Variants in NEK11 observed in about 807,000 individuals in gnomAD.
The protein encoded by NEK11 is serine/threonine-protein kinase Nek11.
A neutral mutation model predicts 80.7 loss-of-function variants in NEK11; 72 were observed. That is an observed-to-expected ratio of 0.89 (90% CI 0.74 to 1.08). The LOEUF is 1.08. Among genes scored for constraint, NEK11 ranks in the 50% least tolerant of loss-of-function variants. The probability of loss-of-function intolerance (pLI) is 0.00; values close to 1 mark genes in which losing one functional copy is unlikely to be tolerated. For synonymous variants in NEK11, 251 were observed against 260.7 expected, an observed-to-expected ratio of 0.96 and a Z score of 0.36; for missense variants, 764 against 763.6, an observed-to-expected ratio of 1.00 and a Z score of -0.01.
At chr3:131,204,220 G>A (rs529599912) in intron 14 of NEK11, among the ~76,000 whole-genome samples, 1 of 152,236 alleles carries the variant, frequency 6.6e-6, no homozygotes, top group South Asian at 2.1e-4. Flanking sequence ...CACCCAGGAA[G>A]GGCATGGATG....
chr3:131,098,812 C>T (rs1435056276), intron 4 of NEK11, among the ~76,000 whole-genome samples: 2 of 149,660 alleles, frequency 1.3e-5, no homozygotes, highest in African/African-American at 2.5e-5. Context: ...CTGACCTTTG[C>T]CTACTTTTAA....
At chr3:131,244,698 G>A (rs1439634248) in intron 16 of NEK11, among the ~76,000 whole-genome samples, 2 of 152,078 alleles carry the variant, frequency 1.3e-5, no homozygotes, top group Non-Finnish European at 2.9e-5. Flanking sequence ...GAGGTGGGAG[G>A]ATCACTCGAG....
At chr3:131,080,715 A>T (rs886859188) in intron 4 of NEK11, 127 bp downstream of exon 4, 7 of 761,376 alleles carry the variant, frequency 9.2e-6, no homozygotes, top group Non-Finnish European at 1.4e-5. Context: ...CTGGGATCCC[A>T]TGTCTTGCAG....
intron 4 of NEK11, among the ~76,000 whole-genome samples, chr3:131,106,740 C>G (rs888921345): frequency 1.3e-5 from 2 of 152,028 alleles, no homozygotes; most frequent in Admixed American, 1.3e-4. Flanking sequence ...AAATAGTTCT[C>G]TTTTACAACT....
chr3:131,065,029 A>G (rs2071641264), intron 3 of NEK11, among the ~76,000 whole-genome samples: 1 of 152,220 alleles, frequency 6.6e-6, no homozygotes, highest in Non-Finnish European at 1.5e-5. Flanking sequence ...AAACCCTGGC[A>G]TGTACAAGGA....
Position 131,229,074 on chromosome 3 carries a change from C to T in NEK11, c.1560+386C>T, listed in dbSNP as rs188817312. On this transcript the variant is annotated intron_variant, in intron 15 of 17. Coordinates refer to ENST00000383366, the MANE Select transcript of NEK11 (RefSeq NM_024800.5). ...CTGTCTGGTAATCATATTTTGGGGTCATATTCACAAATTGAATGCAAATAA... is the reference window on the plus strand; with the variant it reads ...CTGTCTGGTAATCATATTTTGGGGTTATATTCACAAATTGAATGCAAATAA... Among the ~76,000 whole-genome samples, 6 of 152,204 alleles carry T rather than the reference C, an allele frequency of 3.9e-5. No homozygotes were observed. The East Asian group carries it at 9.7e-4, about 25-fold the overall frequency.
intron 5 of NEK11, among the ~76,000 whole-genome samples, chr3:131,121,470 A>T (rs1316052500): frequency 6.6e-6 from 1 of 152,222 alleles, no homozygotes; most frequent in Non-Finnish European, 1.5e-5. Flanking sequence ...CCGTTCTCAG[A>T]TCTCAAACTC....
chr3:131,304,155 A>C (rs2096696102), intron 17 of NEK11, among the ~76,000 whole-genome samples: 1 of 152,170 alleles, frequency 6.6e-6, no homozygotes, highest in Admixed American at 6.5e-5. Context: ...TTGGAGAACC[A>C]GCATTTGAGC....
chr3:131,177,399 T>C (rs1264674129), intron 14 of NEK11, among the ~76,000 whole-genome samples: 2 of 152,194 alleles, frequency 1.3e-5, no homozygotes, highest in African/African-American at 2.4e-5. Flanking sequence ...ATAACACATA[T>C]GTTAACATAC....
At chr3:131,253,319 A>G (rs1044100587) in intron 16 of NEK11, among the ~76,000 whole-genome samples, 7 of 152,120 alleles carry the variant, frequency 4.6e-5, no homozygotes, top group African/African-American at 1.4e-4. Context: ...AAAATTTCCC[A>G]TGGGATACAA....
chr3:131,272,480 T>TTTTTTC (rs2096214170), intron 16 of NEK11, among the ~76,000 whole-genome samples: 1 of 130,550 alleles, frequency 7.7e-6, no homozygotes, highest in African/African-American at 2.9e-5. Flanking sequence ...TTTTTTTTTT[T>TTTTTTC]TTTTTTTTTT....
At chr3:131,338,277 T>TG (rs1356788804) in intron 17 of NEK11, among the ~76,000 whole-genome samples, 2 of 145,992 alleles carry the variant, frequency 1.4e-5, no homozygotes, top group African/African-American at 5.3e-5. Context: ...TTTTTTTTTT[T>TG]TTTTTTTTTT....
intron 14 of NEK11, among the ~76,000 whole-genome samples, chr3:131,181,759 A>AC (rs1399595639): frequency 6.6e-6 from 1 of 150,822 alleles, no homozygotes; most frequent in East Asian, 1.9e-4. Context: ...AAAAAAAAAA[A>AC]AAAAAAAGAA....
intron 15 of NEK11, among the ~76,000 whole-genome samples, chr3:131,236,610 G>C (rs559641574): frequency 1.3e-5 from 2 of 152,158 alleles, no homozygotes; most frequent in Non-Finnish European, 2.9e-5. Context: ...TCAGCAATTC[G>C]GAATTCAGTG....
At chr3:131,340,222 G>C (rs2097263653) in intron 17 of NEK11, among the ~76,000 whole-genome samples, 1 of 152,162 alleles carries the variant, frequency 6.6e-6, no homozygotes, top group Non-Finnish European at 1.5e-5. Flanking sequence ...AAGTATGAGT[G>C]GGGGACATTG....
chr3:131,216,384 C>G (rs953574176), intron 14 of NEK11, among the ~76,000 whole-genome samples: 3 of 152,184 alleles, frequency 2.0e-5, no homozygotes, highest in African/African-American at 7.2e-5. Context: ...ATTTTATACT[C>G]AATTTTATTG....
At chr3:131,336,847 A>G (rs2097194031) in intron 17 of NEK11, among the ~76,000 whole-genome samples, 1 of 152,262 alleles carries the variant, frequency 6.6e-6, no homozygotes, top group Non-Finnish European at 1.5e-5. Context: ...TTATGCAGCC[A>G]AAAGACACAT....
intron 17 of NEK11, among the ~76,000 whole-genome samples, chr3:131,344,290 A>G (rs1027449762): frequency 2.6e-5 from 4 of 152,200 alleles, no homozygotes; most frequent in African/African-American, 4.8e-5. Flanking sequence ...TTGGTAAGGC[A>G]TAACACCTGT....
At chr3:131,312,642 T>C (rs555471257) in intron 17 of NEK11, among the ~76,000 whole-genome samples, 11 of 152,234 alleles carry the variant, frequency 7.2e-5, no homozygotes, top group South Asian at 4.1e-4. Context: ...AGCCTCATAA[T>C]TGTACCTTCT....
Sources: allele counts gnomAD v4.1 joint callset (sites outside exome capture counted in the v4.1 genomes callset), GRCh38; gene constraint gnomAD v4.1.1; transcripts MANE v1.5; gene names NCBI Gene and HGNC (gene_info 2026-07-23, HGNC 2026-07-21).